Variants in PTPRM observed in about 807,000 individuals in gnomAD.
The protein encoded by PTPRM is protein tyrosine phosphatase receptor type M, also known as receptor-type tyrosine-protein phosphatase mu.
In PTPRM, 47 loss-of-function variants were observed where a neutral mutation model predicts 186.7. The observed-to-expected ratio is 0.25, with a 90% CI of 0.20 to 0.32. The LOEUF (loss-of-function observed/expected upper bound fraction) is 0.32, where lower values mean the gene tolerates loss of function less well. Among genes scored for constraint, PTPRM ranks in the 10% least tolerant of loss-of-function variants. The probability of loss-of-function intolerance (pLI) is 1.00; values close to 1 mark genes in which losing one functional copy is unlikely to be tolerated. For missense variants in PTPRM, 1,494 were observed against 1,865.0 expected, an observed-to-expected ratio of 0.80 and a Z score of 3.66; for synonymous variants, 668 against 674.9, an observed-to-expected ratio of 0.99 and a Z score of 0.16.
chr18:7,922,693 A>AT (rs2050935871), intron 4 of PTPRM, among the ~76,000 whole-genome samples: 1 of 152,098 alleles, frequency 6.6e-6, no homozygotes, highest in East Asian at 1.9e-4. Context: ...ATATTTATTT[A>AT]TTTTTTGTGG....
chr18:7,862,110 A>C (rs1162722906), intron 2 of PTPRM, among the ~76,000 whole-genome samples: 1 of 152,220 alleles, frequency 6.6e-6, no homozygotes, highest in Non-Finnish European at 1.5e-5. Context: ...CTCTTTTCAA[A>C]ATGATATGCA....
chr18:7,680,077 G>A, intron 1 of PTPRM, among the ~76,000 whole-genome samples: 1 of 152,022 alleles, frequency 6.6e-6, no homozygotes, highest in South Asian at 2.1e-4. Context: ...TGTTGCCCAG[G>A]CTGGTCTTGA....
chr18:7,651,749 A>T (rs1334205963), intron 1 of PTPRM, among the ~76,000 whole-genome samples: 2 of 152,180 alleles, frequency 1.3e-5, no homozygotes, highest in African/African-American at 2.4e-5. Context: ...ACAAAAATCA[A>T]TTCAAGATGG....
intron 2 of PTPRM, among the ~76,000 whole-genome samples, chr18:7,802,122 C>T (rs573265523): frequency 7.9e-5 from 12 of 152,186 alleles, no homozygotes; most frequent in South Asian, 4.2e-4. Context: ...AGGTTCTCAC[C>T]GACCTTTTCC....
chr18:7,861,847 C>G (rs1342509538), intron 2 of PTPRM, among the ~76,000 whole-genome samples: 1 of 152,150 alleles, frequency 6.6e-6, no homozygotes, highest in Non-Finnish European at 1.5e-5. Context: ...TAAACCTACT[C>G]TCTTACCCCC....
At chr18:8,384,803 T>C in intron 30 of PTPRM, 117 bp downstream of exon 30, 2 of 1,325,678 alleles carry the variant, frequency 1.5e-6, no homozygotes, top group South Asian at 2.8e-5. Flanking sequence ...AGTATGTCAG[T>C]GAACCAAAAA....
At chr18:7,869,283 A>G (rs904516145) in intron 2 of PTPRM, among the ~76,000 whole-genome samples, 12 of 152,098 alleles carry the variant, frequency 7.9e-5, no homozygotes, top group Admixed American at 7.9e-4. Flanking sequence ...GTCTGCCCAA[A>G]CAGCTGCCCA....
At chr18:7,671,801 A>G (rs1306293032) in intron 1 of PTPRM, among the ~76,000 whole-genome samples, 1 of 152,222 alleles carries the variant, frequency 6.6e-6, no homozygotes, top group African/African-American at 2.4e-5. Flanking sequence ...ATAAATGGAG[A>G]TAAGATTTGA....
intron 12 of PTPRM, 101 bp downstream of exon 12, chr18:8,113,860 AT>A: frequency 8.5e-7 from 1 of 1,176,330 alleles, no homozygotes; most frequent in East Asian, 2.5e-5. Context: ...GCTTTTCTGC[AT>A]TTCTACTTGT....
intron 7 of PTPRM, among the ~76,000 whole-genome samples, chr18:8,010,421 C>T (rs1367622081): frequency 6.6e-6 from 1 of 152,124 alleles, no homozygotes; most frequent in African/African-American, 2.4e-5. Context: ...GGTTGACTGC[C>T]AGACCTCAGA....
rs150131530 is a variant in PTPRM, at chr18:8,394,518, C to T, written c.4251C>T (p.Ile1417=). 9.9e-6 allele frequency: 16 copies of T among 1,613,628 alleles called. No individual in the cohort carries two copies. Among genetic ancestry groups the T allele is most frequent in the South Asian group, 4.4e-5 (4 of 90,958 alleles). ...GTGGGACGTTCTGCGCCATCAGCAT[C>T]GTATGTGAGATGCTCCGGCACCAGA... ...GRSGTFCAIS[I]VCEMLRHQRT... is the part of the protein sequence containing the mutation. Residue 1417 remains isoleucine, a synonymous_variant, in exon 32 of 33, where the codon ATC becomes ATT. Coordinates refer to ENST00000580170, the MANE Select transcript of PTPRM (RefSeq NM_001105244.2).
At chr18:7,589,796 T>A (rs530989055) in intron 1 of PTPRM, among the ~76,000 whole-genome samples, 23 of 152,318 alleles carry the variant, frequency 1.5e-4, no homozygotes, top group Non-Finnish European at 2.9e-4. Flanking sequence ...GAAAGAATCT[T>A]GCAAAACCAT....
At chr18:7,630,880 G>T (rs2038174780) in intron 1 of PTPRM, among the ~76,000 whole-genome samples, 1 of 152,136 alleles carries the variant, frequency 6.6e-6, no homozygotes, top group Non-Finnish European at 1.5e-5. Context: ...AAGGGGGATG[G>T]TTGCAGGCAT....
chr18:8,296,255 G>A (rs946061789), intron 19 of PTPRM, 113 bp from the exon 20 acceptor site: 19 of 661,028 alleles, frequency 2.9e-5, no homozygotes, highest in African/African-American at 5.5e-5. Flanking sequence ...CATTTCTGTC[G>A]GCATTCTTTC....
At chr18:7,903,238 G>A (rs2049795076) in intron 3 of PTPRM, among the ~76,000 whole-genome samples, 1 of 152,232 alleles carries the variant, frequency 6.6e-6, no homozygotes, top group African/African-American at 2.4e-5. Flanking sequence ...AGAAGGAAGA[G>A]AGGATGGCAG....
chr18:7,603,702 T>A (rs915323580), intron 1 of PTPRM, among the ~76,000 whole-genome samples: 3 of 152,262 alleles, frequency 2.0e-5, no homozygotes, highest in Admixed American at 6.5e-5. Flanking sequence ...TGGGCAAACC[T>A]CCTGCTCTCC....
intron 14 of PTPRM, among the ~76,000 whole-genome samples, chr18:8,219,940 T>A (rs937546920): frequency 1.3e-5 from 2 of 152,154 alleles, no homozygotes; most frequent in African/African-American, 4.8e-5. Flanking sequence ...TATTTTAACA[T>A]TAATGCTGGT....
chr18:7,632,826 T>G (rs2038223426), intron 1 of PTPRM, among the ~76,000 whole-genome samples: 1 of 152,200 alleles, frequency 6.6e-6, no homozygotes, highest in African/African-American at 2.4e-5. Flanking sequence ...AGTACAGCTC[T>G]GAGAAGGGAT....
At chr18:7,863,807 C>T (rs891723444) in intron 2 of PTPRM, among the ~76,000 whole-genome samples, 8 of 152,114 alleles carry the variant, frequency 5.3e-5, no homozygotes, top group African/African-American at 1.9e-4. Context: ...CTAATTTATG[C>T]TCCCACCAAC....
Sources: allele counts gnomAD v4.1 joint callset (sites outside exome capture counted in the v4.1 genomes callset), GRCh38; gene constraint gnomAD v4.1.1; transcripts MANE v1.5; gene names NCBI Gene and HGNC (gene_info 2026-07-23, HGNC 2026-07-21).